Variants in ASIC2 observed in about 807,000 individuals in gnomAD.
ASIC2 encodes the protein acid-sensing ion channel 2.
Under a neutral mutation model 57.3 loss-of-function variants are expected in ASIC2, and 25 were observed. That is an observed-to-expected ratio of 0.44 (90% CI 0.32 to 0.61). ASIC2 has a LOEUF of 0.61. Among genes scored for constraint, ASIC2 ranks in the 20% least tolerant of loss-of-function variants. The pLI, the probability that ASIC2 is intolerant of heterozygous loss-of-function variation, is 0.06. For synonymous variants in ASIC2, 319 were observed against 307.5 expected (o/e 1.04, Z -0.39); for missense variants, 641 against 738.1 (o/e 0.87, Z 1.52).
intron 1 of ASIC2, among the ~76,000 whole-genome samples, chr17:33,317,364 C>T (rs1906698747): frequency 6.6e-6 from 1 of 152,178 alleles, no homozygotes; most frequent in South Asian, 2.1e-4. Flanking sequence ...AAACCTCTGC[C>T]TCCAGGTTGG....
intron 1 of ASIC2, among the ~76,000 whole-genome samples, chr17:33,225,927 C>T (rs1315620363): frequency 6.6e-6 from 1 of 152,170 alleles, no homozygotes; most frequent in Admixed American, 6.5e-5. Flanking sequence ...GACTTTCTTT[C>T]CTCTCTCATT....
At chr17:34,047,705 A>G (rs956019185) in intron 1 of ASIC2, among the ~76,000 whole-genome samples, 8 of 152,056 alleles carry the variant, frequency 5.3e-5, no homozygotes, top group African/African-American at 1.9e-4. Flanking sequence ...TGCAGAAGTG[A>G]CAATGTGCCA....
chr17:33,657,940 T>C (rs1907128204), intron 1 of ASIC2, among the ~76,000 whole-genome samples: 1 of 152,156 alleles, frequency 6.6e-6, no homozygotes. Flanking sequence ...GGCTGTCTTC[T>C]TCCAACAACT....
intron 1 of ASIC2, among the ~76,000 whole-genome samples, chr17:33,927,354 A>C (rs1277748011): frequency 1.3e-5 from 2 of 152,174 alleles, no homozygotes; most frequent in African/African-American, 2.4e-5. Context: ...TGACTCTCCA[A>C]TGTGAGGGTA....
At chr17:33,943,356 G>A (rs1475024672) in intron 1 of ASIC2, among the ~76,000 whole-genome samples, 6 of 152,196 alleles carry the variant, frequency 3.9e-5, no homozygotes, top group Non-Finnish European at 8.8e-5. Flanking sequence ...TATACCGCAT[G>A]TTTCAAGAGA....
chr17:33,910,872 A>T (rs1402898580), intron 1 of ASIC2, among the ~76,000 whole-genome samples: 1 of 152,184 alleles, frequency 6.6e-6, no homozygotes, highest in Non-Finnish European at 1.5e-5. Flanking sequence ...ATCTAGAAGG[A>T]TGGGGGAGCT....
At chr17:33,048,862 CT>C in intron 3 of ASIC2, among the ~76,000 whole-genome samples, 1 of 152,262 alleles carries the variant, frequency 6.6e-6, no homozygotes, top group African/African-American at 2.4e-5. Flanking sequence ...TCAATTTCAC[CT>C]GATAGAGAGG....
At chr17:34,045,241 A>G (rs1908293024) in intron 1 of ASIC2, among the ~76,000 whole-genome samples, 1 of 152,158 alleles carries the variant, frequency 6.6e-6, no homozygotes, top group Non-Finnish European at 1.5e-5. Context: ...AGGTAGTAAT[A>G]TTCCCAAAGC....
intron 1 of ASIC2, among the ~76,000 whole-genome samples, chr17:33,127,394 G>A (rs2092328207): frequency 6.6e-6 from 1 of 152,186 alleles, no homozygotes; most frequent in South Asian, 2.1e-4. Flanking sequence ...TTGCACTTGA[G>A]CATGTTCCAT....
chr17:33,260,677 T>C (rs1346642624), intron 1 of ASIC2, among the ~76,000 whole-genome samples: 1 of 152,220 alleles, frequency 6.6e-6, no homozygotes, highest in Non-Finnish European at 1.5e-5. Context: ...GGCTGAACCC[T>C]GCAGGCCAGA....
intron 1 of ASIC2, among the ~76,000 whole-genome samples, chr17:33,419,967 G>T (rs188944282): frequency 7.3e-4 from 111 of 152,248 alleles, no homozygotes; most frequent in African/African-American, 2.5e-3. Flanking sequence ...TTTTCTGGAA[G>T]GATACTCATA....
chr17:33,574,981 G>T (rs924166349), intron 1 of ASIC2, among the ~76,000 whole-genome samples: 3 of 152,134 alleles, frequency 2.0e-5, no homozygotes, highest in Non-Finnish European at 4.4e-5. Flanking sequence ...ACAGATTCAG[G>T]TCTGTCTGTT....
chr17:33,196,461 G>T lies in ASIC2; in HGVS notation c.709-84394C>A, dbSNP rs74719363. Among the ~76,000 whole-genome samples, 1,155 of 152,226 alleles carry T rather than the reference G, an allele frequency of 7.6e-3. 12 individuals are homozygous for T. The highest frequency in any genetic ancestry group is 0.041 in the South Asian group (195 of 4,800). On this transcript the variant is annotated intron_variant, in intron 1 of 9. Coordinates refer to ENST00000225823, the MANE Select transcript of ASIC2 (RefSeq NM_183377.2). ...CTGTGAGGCGTCCTTGCAGTTATCTGCTGGGAGCCTCCCAAAAGTCCAGAC... is the reference window on the plus strand; with the variant it reads ...CTGTGAGGCGTCCTTGCAGTTATCTTCTGGGAGCCTCCCAAAAGTCCAGAC...
Position 33,013,850 on chromosome 17 carries a change from G to T in ASIC2, c.*115C>A. Reference sequence around the variant, plus strand: ...CAGCTAGTCTGCAATGTGTGCATAGGGGGCTCTTGCTTCTTTCCAGCACTG... The same window carrying T: ...CAGCTAGTCTGCAATGTGTGCATAGTGGGCTCTTGCTTCTTTCCAGCACTG... On this transcript the variant is annotated 3_prime_UTR_variant, in exon 10 of 10. Coordinates refer to ENST00000225823, the MANE Select transcript of ASIC2 (RefSeq NM_183377.2). The T allele has an allele frequency of 1.1e-6, 1 of 908,208 alleles. No homozygotes were observed. The highest frequency in any genetic ancestry group is 1.5e-5 in the South Asian group (1 of 66,730). The allele number at this position is 908,208 out of a possible 1,614,324, so 56.3% of individuals were successfully genotyped here.
chr17:33,799,400 TTCTTTTCTTTCTTTCTTTCTTTCTTTC>T (rs1160213186), intron 1 of ASIC2, among the ~76,000 whole-genome samples: 27 of 56,848 alleles, frequency 4.7e-4, no homozygotes, highest in African/African-American at 1.6e-3. Flanking sequence ...CTTTCTTTCT[TTCTTTTCTTTCTTTCTTTCTTTCTTTC>T]TTCTTTCTTT....
At chr17:33,607,437 T>C (rs1905258011) in intron 1 of ASIC2, among the ~76,000 whole-genome samples, 1 of 152,108 alleles carries the variant, frequency 6.6e-6, no homozygotes. Context: ...CTGCACTGAT[T>C]TGGAGGCCAA....
At chr17:33,772,343 C>T (rs1242008381) in intron 1 of ASIC2, among the ~76,000 whole-genome samples, 6 of 152,158 alleles carry the variant, frequency 3.9e-5, no homozygotes, top group Non-Finnish European at 5.9e-5. Context: ...TTAGATCATA[C>T]CCTTTTTAGC....
chr17:33,844,834 T>C (rs559920990), intron 1 of ASIC2, among the ~76,000 whole-genome samples: 1 of 152,324 alleles, frequency 6.6e-6, no homozygotes, highest in South Asian at 2.1e-4. Flanking sequence ...CTAGATAGTC[T>C]CATAATATAT....
At chr17:33,651,568 A>C (rs1458037675) in intron 1 of ASIC2, among the ~76,000 whole-genome samples, 1 of 152,198 alleles carries the variant, frequency 6.6e-6, no homozygotes, top group Non-Finnish European at 1.5e-5. Context: ...CCTCTAGTGA[A>C]GCCTCAGAGA....
Sources: gnomAD v4.1 joint callset for allele counts (sites outside exome capture counted in the v4.1 genomes callset) on GRCh38, gnomAD v4.1.1 for gene constraint, MANE v1.5 for transcripts, NCBI Gene and HGNC (gene_info 2026-07-23, HGNC 2026-07-21) for gene names.